SI: variants seen among roughly 807,000 people sequenced by gnomAD.
SI encodes the protein sucrase-isomaltase, intestinal.
SI carries 235 observed loss-of-function variants against 253.3 expected under a neutral mutation model. The ratio of observed to expected loss-of-function variants is 0.93; its 90% CI spans 0.83 to 1.03. The LOEUF (loss-of-function observed/expected upper bound fraction) is 1.03. Among genes scored for constraint, SI ranks in the 50% least tolerant of loss-of-function variants. The probability of loss-of-function intolerance (pLI) is 0.00; values close to 1 mark genes in which losing one functional copy is unlikely to be tolerated. For synonymous variants in SI, 819 were observed against 712.0 expected (o/e 1.15, Z -2.39); for missense variants, 2,442 against 2,211.1 (o/e 1.10, Z -2.09).
intron 3 of SI, among the ~76,000 whole-genome samples, chr3:165,071,527 A>C (rs921079108): frequency 1.3e-5 from 2 of 151,698 alleles, no homozygotes; most frequent in Non-Finnish European, 2.9e-5. Flanking sequence ...ATGTAATAAT[A>C]TATAATGTGT....
Position 165,032,514 on chromosome 3 carries a change from G to A in SI, c.2736+8C>T. 6.4e-7 allele frequency: 1 copy of A among 1,572,580 alleles called. No homozygotes were observed. Among genetic ancestry groups the A allele is most frequent in the Non-Finnish European group, 8.7e-7 (1 of 1,145,148 alleles). Reference sequence around the variant, plus strand: ...GATAGCTAAAATATTTTAAAAGATTGTAATTACCTGGTTAGAAGCATCATA... The same window carrying A: ...GATAGCTAAAATATTTTAAAAGATTATAATTACCTGGTTAGAAGCATCATA... On this transcript the variant is annotated splice_region_variant and intron_variant, in intron 24 of 47. Coordinates refer to ENST00000264382, the MANE Select transcript of SI (RefSeq NM_001041.4).
At chr3:165,016,860 A>T (rs1719055954) in intron 31 of SI, among the ~76,000 whole-genome samples, 1 of 152,044 alleles carries the variant, frequency 6.6e-6, no homozygotes, top group East Asian at 1.9e-4. Context: ...ATATATAATT[A>T]ATTTCCCATA....
chr3:165,078,646 T>C (rs1300922126), upstream of SI, among the ~76,000 whole-genome samples: 1 of 151,656 alleles, frequency 6.6e-6, no homozygotes, highest in African/African-American at 2.4e-5. Flanking sequence ...TGTTTCTCTC[T>C]GGGAATCTAA....
At chr3:165,088,610 C>G in the SI span, among the ~76,000 whole-genome samples, 1 of 151,992 alleles carries the variant, frequency 6.6e-6, no homozygotes, top group African/African-American at 2.4e-5. Flanking sequence ...CACTGCACTC[C>G]AGCCTGGGCG....
rs1714390432 is a variant in SI, at chr3:165,068,756, G to A, written c.449C>T (p.Thr150Ile). The A allele has an allele frequency of 1.9e-6, 3 of 1,613,826 alleles. No individual in the cohort carries two copies. Among genetic ancestry groups the A allele is most frequent in the Non-Finnish European group, 2.5e-6 (3 of 1,179,770 alleles). ...GAAACGATTGGGTGTCTGATTTTGA[G>A]TTGTGAAGAGAACACTGTTGATGTC... ...GNDINSVLFT[T>I]QNQTPNRFRF... The change falls in exon 5 of 48, where the codon ACT (threonine) becomes ATT (isoleucine). Residue 150 changes from threonine to isoleucine, a missense_variant. Physicochemically the swap from Thr to Ile is moderately conservative, Grantham distance 89 (BLOSUM62 -1). Coordinates refer to ENST00000264382, the MANE Select transcript of SI (RefSeq NM_001041.4).
At chr3:165,036,129 T>G (rs548045675) in intron 22 of SI, among the ~76,000 whole-genome samples, 1 of 151,758 alleles carries the variant, frequency 6.6e-6, no homozygotes, top group Admixed American at 6.6e-5. Flanking sequence ...TTTAATCTAA[T>G]AGATAAAGAT....
intron 25 of SI, among the ~76,000 whole-genome samples, chr3:165,025,111 TG>T (rs1444316450): frequency 1.1e-4 from 16 of 151,324 alleles, no homozygotes; most frequent in Non-Finnish European, 1.9e-4. Context: ...GGCTAAAGTT[TG>T]TAATCGCCCA....
At chr3:165,022,138 T>A (rs1266356075) in intron 26 of SI, among the ~76,000 whole-genome samples, 1 of 151,600 alleles carries the variant, frequency 6.6e-6, no homozygotes, top group Non-Finnish European at 1.5e-5. Context: ...GTCTTGATAT[T>A]TTTTCTTGAT....
intron 3 of SI, among the ~76,000 whole-genome samples, chr3:165,069,827 A>G (rs1391490979): frequency 2.0e-5 from 3 of 151,814 alleles, no homozygotes; most frequent in Non-Finnish European, 4.4e-5. Context: ...ATTTATAAAT[A>G]GTTTAGCAAA....
chr3:165,071,219 A>T (rs550396745), intron 3 of SI, among the ~76,000 whole-genome samples: 1 of 152,082 alleles, frequency 6.6e-6, no homozygotes, highest in South Asian at 2.1e-4. Flanking sequence ...ACACTCCAAC[A>T]TATTAATTAA....
At chr3:165,080,546 T>A (rs1715274915), upstream of SI, among the ~76,000 whole-genome samples, 1 of 152,026 alleles carries the variant, frequency 6.6e-6, no homozygotes, top group South Asian at 2.1e-4. Context: ...ATGTGGCTCA[T>A]ATACACCATG....
Position 165,030,871 on chromosome 3 carries a change from T to TAAAAAAAAAA in SI, c.2737-5_2737-4insTTTTTTTTTT. On this transcript the variant is annotated splice_polypyrimidine_tract_variant and splice_region_variant and intron_variant, in intron 24 of 47. Transcript: ENST00000264382. ...TGAGATCTGCAATTAGGAGAACCTT[T>TAAAAAAAAAA]GAAGACAAAAAAAAAAAAAGAAAAA... The TAAAAAAAAAA allele has an allele frequency of 7.5e-7, 1 of 1,335,432 alleles. No homozygotes were observed. The highest frequency in any genetic ancestry group is 9.7e-7 in the Non-Finnish European group (1 of 1,033,328). 82.7% of individuals were successfully genotyped at this position (1,335,432 alleles called of 1,614,324 possible). A position where few individuals can be genotyped will look rare whatever the true frequency, so the allele number is the denominator to read the frequency against.
chr3:164,997,799 T>C (rs189705644), intron 38 of SI, among the ~76,000 whole-genome samples: 2 of 151,990 alleles, frequency 1.3e-5, no homozygotes, highest in East Asian at 1.9e-4. Flanking sequence ...GCTCCATCCA[T>C]GTCCCTTGAA....
intron 2 of SI, 122 bp downstream of exon 2, chr3:165,075,773 C>A: frequency 1.6e-6 from 1 of 621,992 alleles, no homozygotes; most frequent in African/African-American, 1.8e-5. Context: ...GTGTAACTTA[C>A]CCTGGATTTT....
intron 44 of SI, among the ~76,000 whole-genome samples, chr3:164,989,373 G>A (rs140516348): frequency 0.012 from 1,496 of 120,206 alleles, 29 homozygotes; most frequent in African/African-American, 0.048. Context: ...AGAAAGAAAG[G>A]AAGAAAGAAA....
Position 165,019,688 on chromosome 3 carries a change from CAT to C in SI, c.3335_3336del (p.Tyr1112TrpfsTer11). 6.2e-7 allele frequency: 1 copy of C among 1,612,496 alleles called. No homozygotes were observed. The highest frequency in any genetic ancestry group is 8.5e-7 in the Non-Finnish European group (1 of 1,179,006). Reference sequence around the variant, plus strand: ...GCTGTATGTTCCACTTCCCCAAAACCATATATATATTCTGATGGCAGGCGAGT... The same window carrying C: ...GCTGTATGTTCCACTTCCCCAAAACCATATATATTCTGATGGCAGGCGAGT... ...ISTRLPSEYI[Y>X]GFGEVEHTAF... is the part of the protein sequence containing the mutation. On this transcript the variant is annotated frameshift_variant, in exon 28 of 48. Coordinates refer to ENST00000264382, the MANE Select transcript of SI (RefSeq NM_001041.4). LOFTEE classifies it high-confidence loss of function.
At chr3:164,985,268 A>T (rs1031434121) in intron 45 of SI, among the ~76,000 whole-genome samples, 6 of 152,124 alleles carry the variant, frequency 3.9e-5, no homozygotes, top group African/African-American at 1.4e-4. Flanking sequence ...TAATTATGAG[A>T]TTCAAAGATC....
At position 165,046,895 on chromosome 3, in the gene SI, T is replaced by G. The variant is rs981952207; in HGVS notation, c.1833A>C (p.Gln611His). ...WLGDNTASWE[Q>H]MEWSITGMLE... ...GCATTCCAGTTATAGACCATTCCAT[T>G]TGTTCCCATGAAGCAGTATTGTCTC... The change falls in exon 16 of 48, where the codon CAA becomes CAC. Residue 611 changes from glutamine (Q) to histidine (H), a missense_variant. Physicochemically the swap from Gln to His is conservative, Grantham distance 24. Transcript: ENST00000264382. 1 of 1,613,258 alleles carries G rather than the reference T, an allele frequency of 6.2e-7. No homozygotes were observed. Among genetic ancestry groups the G allele is most frequent in the African/African-American group, 1.3e-5 (1 of 74,904 alleles).
At chr3:164,997,729 A>G (rs1260900939) in intron 38 of SI, among the ~76,000 whole-genome samples, 1 of 151,810 alleles carries the variant, frequency 6.6e-6, no homozygotes, top group Non-Finnish European at 1.5e-5. Flanking sequence ...GTTATAAGTT[A>G]GAATATGTGG....
Sources: allele counts gnomAD v4.1 joint callset (sites outside exome capture counted in the v4.1 genomes callset), GRCh38; gene constraint gnomAD v4.1.1; transcripts MANE v1.5; gene names NCBI Gene and HGNC (gene_info 2026-07-23, HGNC 2026-07-21).